RBFOX1: variants seen among roughly 807,000 people sequenced by gnomAD.
RBFOX1 encodes RNA binding fox-1 homolog 1, also known as RNA binding protein fox-1 homolog 1.
A neutral mutation model predicts 57.7 loss-of-function variants in RBFOX1; 8 were observed. That is an observed-to-expected ratio of 0.14 (90% CI 0.08 to 0.25). The LOEUF (loss-of-function observed/expected upper bound fraction) is 0.25. Ranked by LOEUF, RBFOX1 falls within the 10% of genes least tolerant of loss-of-function variation. RBFOX1 has a pLI of 1.00. For missense variants in RBFOX1, 611 were observed against 548.5 expected (o/e 1.11, Z -1.14); for synonymous variants, 326 against 222.4 (o/e 1.47, Z -4.15).
chr16:7,465,053 G>A (rs1232852571), intron 4 of RBFOX1, among the ~76,000 whole-genome samples: 2 of 151,686 alleles, frequency 1.3e-5, no homozygotes, highest in African/African-American at 4.8e-5. Context: ...CCTCTTCCAG[G>A]GCATGGCACG....
chr16:5,644,780 C>T (rs1457573775), intron 3 of RBFOX1, among the ~76,000 whole-genome samples: 3 of 152,152 alleles, frequency 2.0e-5, no homozygotes, highest in Non-Finnish European at 4.4e-5. Flanking sequence ...TTTGTGTATC[C>T]GTTTATCAGC....
At chr16:6,458,154 G>C (rs2191426) in intron 2 of RBFOX1, among the ~76,000 whole-genome samples, 115,348 of 152,132 alleles carry the variant, frequency 0.76, 44,416 homozygotes, top group East Asian at 0.93. Context: ...GTAACTGTGT[G>C]CAAACACGGC....
chr16:7,441,003 C>T (rs1458225276), intron 4 of RBFOX1, among the ~76,000 whole-genome samples: 1 of 152,048 alleles, frequency 6.6e-6, no homozygotes, highest in African/African-American at 2.4e-5. Context: ...GATCATGCCA[C>T]TGTGCTTCAG....
chr16:6,441,137 A>T (rs1052507147), intron 2 of RBFOX1, among the ~76,000 whole-genome samples: 1 of 152,124 alleles, frequency 6.6e-6, no homozygotes, highest in African/African-American at 2.4e-5. Flanking sequence ...GAGGAGGATG[A>T]GGGAACATGC....
Position 5,679,179 on chromosome 16 carries a change from C to T in RBFOX1, c.318+80218C>T, listed in dbSNP as rs150672511. 6.0e-3 allele frequency among the ~76,000 whole-genome samples: 910 copies of T among 152,294 alleles called. 4 individuals are homozygous for T. The highest frequency in any genetic ancestry group is 0.021 in the South Asian group (100 of 4,824). On this transcript the variant is annotated intron_variant, in intron 3 of 19. Transcript: ENST00000641259. ...GGAAAGGGCAAGGCTATTGAAAGTA[C>T]TGTGATCTTTTCTGCAAGGGCGCAT...
chr16:5,415,332 A>G (rs532164816), intron 1 of RBFOX1, among the ~76,000 whole-genome samples: 9 of 152,112 alleles, frequency 5.9e-5, no homozygotes, highest in African/African-American at 1.7e-4. Flanking sequence ...TCTGGTGAGA[A>G]CTCCCTTGCT....
chr16:5,989,474 G>C (rs1163437811), intron 4 of RBFOX1, among the ~76,000 whole-genome samples: 1 of 152,166 alleles, frequency 6.6e-6, no homozygotes, highest in African/African-American at 2.4e-5. Context: ...AGGAAATGGA[G>C]GCAATTTTTA....
intron 2 of RBFOX1, among the ~76,000 whole-genome samples, chr16:6,498,494 C>A (rs543903548): frequency 6.6e-6 from 1 of 152,198 alleles, no homozygotes; most frequent in African/African-American, 2.4e-5. Context: ...GATATTGGGG[C>A]TTGGTTCAGC....
chr16:6,512,151 G>T (rs577811204), intron 2 of RBFOX1, among the ~76,000 whole-genome samples: 1 of 151,562 alleles, frequency 6.6e-6, no homozygotes, highest in Non-Finnish European at 1.5e-5. Context: ...AGGCATGATG[G>T]TGCATGCCTG....
intron 4 of RBFOX1, among the ~76,000 whole-genome samples, chr16:7,464,037 C>T (rs1407353641): frequency 6.6e-6 from 1 of 152,224 alleles, no homozygotes; most frequent in East Asian, 1.9e-4. Context: ...AAAGCCTTGG[C>T]TGCTAATCTT....
chr16:6,249,525 A>C (rs2097590461), intron 1 of RBFOX1, among the ~76,000 whole-genome samples: 1 of 152,132 alleles, frequency 6.6e-6, no homozygotes, highest in Admixed American at 6.6e-5. Context: ...CTCCATCTCA[A>C]AAAAACAAAC....
chr16:6,836,265 A>G (rs143380784), intron 3 of RBFOX1, among the ~76,000 whole-genome samples: 5 of 152,312 alleles, frequency 3.3e-5, no homozygotes, highest in East Asian at 3.9e-4. Flanking sequence ...GCTTCTTAAA[A>G]TCTGTTTTAC....
chr16:7,393,047 C>A (rs1042003462), intron 4 of RBFOX1, among the ~76,000 whole-genome samples: 1 of 151,924 alleles, frequency 6.6e-6, no homozygotes, highest in African/African-American at 2.4e-5. Flanking sequence ...CTAATTTTTG[C>A]ATTTCTAGTA....
intron 4 of RBFOX1, among the ~76,000 whole-genome samples, chr16:7,329,037 G>A (rs1208655549): frequency 1.3e-5 from 2 of 152,130 alleles, no homozygotes; most frequent in African/African-American, 2.4e-5. Context: ...AGTATTACAG[G>A]AACATGGCCA....
intron 1 of RBFOX1, among the ~76,000 whole-genome samples, chr16:6,289,301 G>C (rs1417703856): frequency 6.6e-6 from 1 of 151,970 alleles, no homozygotes; most frequent in Non-Finnish European, 1.5e-5. Flanking sequence ...TGGAAGGGTG[G>C]ATATAGGTGT....
At chr16:5,684,289 T>C (rs1045708481) in intron 3 of RBFOX1, among the ~76,000 whole-genome samples, 2 of 152,274 alleles carry the variant, frequency 1.3e-5, no homozygotes, top group African/African-American at 4.8e-5. Flanking sequence ...TTTGAACTAA[T>C]AGGATATATA....
chr16:6,294,134 C>A (rs1482039550), intron 1 of RBFOX1, among the ~76,000 whole-genome samples: 1 of 151,648 alleles, frequency 6.6e-6, no homozygotes, highest in African/African-American at 2.4e-5. Context: ...GTGAGCTATG[C>A]TGGTGCCACT....
At chr16:5,791,668 A>G (rs1427297236) in intron 3 of RBFOX1, among the ~76,000 whole-genome samples, 37 of 152,226 alleles carry the variant, frequency 2.4e-4, no homozygotes, top group Admixed American at 2.3e-3. Flanking sequence ...GCAAATTCAC[A>G]TCTGGCTAAC....
At chr16:6,537,724 A>T (rs1192557262) in intron 2 of RBFOX1, among the ~76,000 whole-genome samples, 2 of 152,216 alleles carry the variant, frequency 1.3e-5, no homozygotes, top group African/African-American at 4.8e-5. Context: ...GCCATTCCTT[A>T]AGGTTTTATA....
Sources: allele counts gnomAD v4.1 joint callset (sites outside exome capture counted in the v4.1 genomes callset), GRCh38; gene constraint gnomAD v4.1.1; transcripts MANE v1.5; gene names NCBI Gene and HGNC (gene_info 2026-07-23, HGNC 2026-07-21).